The following CD109 variants were observed in gnomAD, a reference collection of about 807,000 sequenced individuals.
CD109 encodes CD109 antigen.
CD109 carries 149 observed loss-of-function variants against 165.8 expected under a neutral mutation model. The observed-to-expected ratio is 0.90, with a 90% confidence interval of 0.79 to 1.03. The LOEUF (loss-of-function observed/expected upper bound fraction) is 1.03, where lower values mean the gene tolerates loss of function less well. CD109 is among the 50% of genes least tolerant of loss of function. CD109 has a pLI of 0.00. For synonymous variants in CD109, 585 were observed against 592.1 expected, an observed-to-expected ratio of 0.99 and a Z score of 0.18; for missense variants, 1,712 against 1,677.8, an observed-to-expected ratio of 1.02 and a Z score of -0.36.
chr6:73,749,886 A>T (rs180795692), intron 5 of CD109, among the ~76,000 whole-genome samples: 12 of 152,330 alleles, frequency 7.9e-5, no homozygotes, highest in Non-Finnish European at 1.3e-4. Flanking sequence ...TGACATGATT[A>T]AAGTTGTATT....
chr6:73,780,148 T>C (rs1371257683), intron 15 of CD109, among the ~76,000 whole-genome samples: 4 of 152,156 alleles, frequency 2.6e-5, no homozygotes, highest in South Asian at 2.1e-4. Context: ...CTGTTGGTCT[T>C]GTCAAACAGT....
chr6:73,690,176 G>A, the CD109 span, among the ~76,000 whole-genome samples: 14 of 151,922 alleles, frequency 9.2e-5, no homozygotes, highest in Non-Finnish European at 2.1e-4. Context: ...TTTCCCTTAA[G>A]AGCTTACTCC....
At chr6:73,765,725 G>A (rs137896764) in intron 10 of CD109, among the ~76,000 whole-genome samples, 15 of 152,220 alleles carry the variant, frequency 9.9e-5, no homozygotes, top group Middle Eastern at 3.4e-3. Context: ...TTTTGGAGCC[G>A]CGGAAGTTAA....
intron 30 of CD109, among the ~76,000 whole-genome samples, chr6:73,815,505 A>C (rs189832318): frequency 6.6e-6 from 1 of 152,310 alleles, no homozygotes; most frequent in East Asian, 1.9e-4. Context: ...ATTGAACCTT[A>C]ACTGTTAGGC....
chr6:73,725,136 A>G (rs1462467429), intron 3 of CD109, among the ~76,000 whole-genome samples: 3 of 152,254 alleles, frequency 2.0e-5, no homozygotes, highest in African/African-American at 7.2e-5. Context: ...TGGGGGAAAA[A>G]AACCCTGCAA....
intron 23 of CD109, among the ~76,000 whole-genome samples, chr6:73,801,363 C>G (rs1488935676): frequency 6.6e-6 from 1 of 152,232 alleles, no homozygotes; most frequent in African/African-American, 2.4e-5. Context: ...TTCCTGACAT[C>G]TAATGAGTGC....
intron 2 of CD109, 122 bp from the exon 3 acceptor site, chr6:73,723,129 A>G: frequency 2.6e-6 from 4 of 1,561,954 alleles, no homozygotes; most frequent in Non-Finnish European, 3.4e-6. Flanking sequence ...TTTTGGTTTC[A>G]CCAAATGTAT....
intron 31 of CD109, 89 bp downstream of exon 31, chr6:73,818,624 T>G (rs527773198): frequency 1.6e-6 from 2 of 1,246,118 alleles, no homozygotes; most frequent in East Asian, 4.9e-5. Flanking sequence ...TTTTCTTTAA[T>G]TCATTGTTAT....
At chr6:73,771,273 C>G (rs1309849976) in intron 14 of CD109, among the ~76,000 whole-genome samples, 156 bp from the exon 15 acceptor site, 2 of 152,132 alleles carry the variant, frequency 1.3e-5, no homozygotes, top group Non-Finnish European at 2.9e-5. Context: ...TTTTTTTATT[C>G]CTTTCCCTAG....
chr6:73,696,666 C>T (rs1355632243), intron 1 of CD109, among the ~76,000 whole-genome samples: 1 of 152,188 alleles, frequency 6.6e-6, no homozygotes. Flanking sequence ...ATGTCTCAAC[C>T]TTAGCATTGC....
At chr6:73,815,220 A>G in intron 30 of CD109, 97 bp downstream of exon 30, 1 of 1,024,772 alleles carries the variant, frequency 9.8e-7, no homozygotes, top group Non-Finnish European at 1.4e-6. Flanking sequence ...TAAGAGTTAT[A>G]TTGAACAAAG....
At chr6:73,694,228 G>A (rs1189026376), upstream of CD109, 4 of 152,182 alleles carry the variant, frequency 2.6e-5, no homozygotes, top group Non-Finnish European at 5.9e-5. Context: ...CCACTTCTGA[G>A]ATGAACATTT....
At chr6:73,766,454 T>G (rs1002384096) in intron 11 of CD109, among the ~76,000 whole-genome samples, 4 of 151,852 alleles carry the variant, frequency 2.6e-5, no homozygotes, top group African/African-American at 9.7e-5. Context: ...AATTTTATTT[T>G]GGCAGGAATT....
chr6:73,699,762 T>C (rs1158556818), intron 2 of CD109, among the ~76,000 whole-genome samples: 1 of 152,202 alleles, frequency 6.6e-6, no homozygotes, highest in Non-Finnish European at 1.5e-5. Context: ...TGGGCTGTTT[T>C]TGACTCTATT....
the CD109 span, among the ~76,000 whole-genome samples, chr6:73,680,987 C>T: frequency 6.6e-6 from 1 of 152,094 alleles, no homozygotes; most frequent in South Asian, 2.1e-4. Context: ...TGGATTGAGC[C>T]TAGAAATTTG....
At chr6:73,728,297 A>T (rs1196370001) in intron 3 of CD109, among the ~76,000 whole-genome samples, 1 of 152,126 alleles carries the variant, frequency 6.6e-6, no homozygotes, top group Non-Finnish European at 1.5e-5. Flanking sequence ...GCAACAGAGC[A>T]AGAGTTCGTC....
intron 23 of CD109, among the ~76,000 whole-genome samples, chr6:73,801,714 A>G (rs1415167760): frequency 6.6e-6 from 1 of 152,204 alleles, no homozygotes; most frequent in Non-Finnish European, 1.5e-5. Flanking sequence ...AATTTTACTT[A>G]TAGTTCTGGA....
intron 3 of CD109, among the ~76,000 whole-genome samples, chr6:73,723,908 A>C (rs1417188702): frequency 6.6e-6 from 1 of 152,130 alleles, no homozygotes; most frequent in South Asian, 2.1e-4. Flanking sequence ...GTTAAAAAAA[A>C]ACAAGGCATC....
At chr6:73,799,849 C>T (rs1436104623) in intron 23 of CD109, among the ~76,000 whole-genome samples, 4 of 57,388 alleles carry the variant, frequency 7.0e-5, no homozygotes, top group Non-Finnish European at 1.1e-4. Context: ...TTTCTCATTT[C>T]CCCCCGCAAT....
Sources: gnomAD v4.1 joint callset for allele counts (sites outside exome capture counted in the v4.1 genomes callset) on GRCh38, gnomAD v4.1.1 for gene constraint, MANE v1.5 for transcripts, NCBI Gene and HGNC (gene_info 2026-07-23, HGNC 2026-07-21) for gene names.